CNFN: variants seen among roughly 807,000 people sequenced by gnomAD.
CNFN encodes cornifelin.
A neutral mutation model predicts 14.9 loss-of-function variants in CNFN; 10 were observed. That is an observed-to-expected ratio of 0.67 (90% CI 0.41 to 1.14). CNFN has a LOEUF of 1.14. CNFN is among the 50% of genes most tolerant of loss of function. The pLI, the probability that CNFN is intolerant of heterozygous loss-of-function variation, is 0.00. For missense variants in CNFN, 165 were observed against 152.8 expected, an observed-to-expected ratio of 1.08 and a Z score of -0.42; for synonymous variants, 66 against 60.0, an observed-to-expected ratio of 1.10 and a Z score of -0.46.
chr19:42,388,005 A>AAC (rs1555786088), intron 2 of CNFN, among the ~76,000 whole-genome samples: 20 of 143,720 alleles, frequency 1.4e-4, no homozygotes, highest in African/African-American at 5.2e-4. Context: ...CAAAACAAAA[A>AAC]AAAAAACGAA....
intron 2 of CNFN, 68 bp from the exon 3 acceptor site, chr19:42,387,544 G>T: frequency 7.7e-7 from 1 of 1,302,342 alleles, no homozygotes; most frequent in Non-Finnish European, 1.0e-6. Context: ...CCCCGGGGGG[G>T]GCGCGGTTGA....
At position 42,387,477 on chromosome 19, in the gene CNFN, C is replaced by G. The variant is rs758227392; in HGVS notation, c.113-1G>C. 39 of 1,568,256 alleles carry G rather than the reference C, an allele frequency of 2.5e-5. No individual in the cohort carries two copies. The highest frequency in any genetic ancestry group is 3.2e-5 in the Non-Finnish European group (37 of 1,159,288). ...AGAGGAGCAAAAGTGCCGCACAGAC[C>G]TGGGCGGGGCGCAGGCGCTCAGGGG... On this transcript the variant is annotated splice_acceptor_variant, in intron 2 of 3. Coordinates refer to ENST00000222032, the MANE Select transcript of CNFN (RefSeq NM_032488.4). LOFTEE classifies it high-confidence loss of function.
At chr19:42,388,236 C>T (rs2039870754) in intron 2 of CNFN, among the ~76,000 whole-genome samples, 1 of 152,078 alleles carries the variant, frequency 6.6e-6, no homozygotes, top group African/African-American at 2.4e-5. Context: ...CTCTGTTGCC[C>T]AGACTGGAGT....
intron 2 of CNFN, 112 bp downstream of exon 2, chr19:42,388,814 T>G (rs2039875487): frequency 4.4e-6 from 3 of 683,882 alleles, no homozygotes; most frequent in Admixed American, 2.4e-5. Context: ...GGAAGGGAGG[T>G]GGGAGTGGGG....
At chr19:42,389,603 G>T in intron 1 of CNFN, 2 of 1,179,274 alleles carry the variant, frequency 1.7e-6, no homozygotes, top group Non-Finnish European at 2.2e-6. Context: ...TCCAAGGGAC[G>T]CTGGATACTG....
Position 42,387,090 on chromosome 19 carries a change from G to A in CNFN, c.*63C>T, listed in dbSNP as rs560945431. 1 of 1,513,642 alleles carries A rather than the reference G, an allele frequency of 6.6e-7. No homozygotes were observed. Among genetic ancestry groups the A allele is most frequent in the East Asian group, 2.3e-5 (1 of 44,308 alleles). 93.8% of individuals were successfully genotyped at this position (1,513,642 alleles called of 1,614,324 possible). A position where few individuals can be genotyped will look rare whatever the true frequency, so the allele number is the denominator to read the frequency against. On this transcript the variant is annotated 3_prime_UTR_variant, in exon 4 of 4. Coordinates refer to ENST00000222032, the MANE Select transcript of CNFN (RefSeq NM_032488.4). ...GGGGTGGTGAGGCAGTCCCTCCCAGGAGTGGCCAGAGAAGGCCAGAGGCGA... is the reference window on the plus strand; with the variant it reads ...GGGGTGGTGAGGCAGTCCCTCCCAGAAGTGGCCAGAGAAGGCCAGAGGCGA...
intron 1 of CNFN, 39 bp from the exon 2 acceptor site, chr19:42,389,078 G>A (rs779587173): frequency 6.8e-6 from 10 of 1,471,394 alleles, no homozygotes; most frequent in South Asian, 4.6e-5. Flanking sequence ...TGGCAGCCTC[G>A]CAGCATCTCC....
intron 2 of CNFN, among the ~76,000 whole-genome samples, chr19:42,387,861 T>G (rs1370546864): frequency 1.3e-5 from 2 of 150,250 alleles, no homozygotes; most frequent in Admixed American, 1.3e-4. Context: ...GTGCCTGTAA[T>G]CTCAGCTACT....
At chr19:42,387,988 C>A (rs559498037) in intron 2 of CNFN, among the ~76,000 whole-genome samples, 4,991 of 20,762 alleles carry the variant, frequency 0.24, 304 homozygotes, top group African/African-American at 0.41. Context: ...TCAAAAAAAA[C>A]AAAAAACAAA....
At chr19:42,389,425 C>T in intron 1 of CNFN, 2 of 1,257,742 alleles carry the variant, frequency 1.6e-6, no homozygotes, top group Non-Finnish European at 2.1e-6. Flanking sequence ...GCAAGGGTGC[C>T]CAGGGGAGGG....
At chr19:42,388,442 C>T (rs908583369) in intron 2 of CNFN, among the ~76,000 whole-genome samples, 8 of 152,140 alleles carry the variant, frequency 5.3e-5, no homozygotes, top group Non-Finnish European at 1.2e-4. Flanking sequence ...GTCCACCTGC[C>T]ATGGCCTCCC....
chr19:42,388,338 G>C (rs1207052759), intron 2 of CNFN, among the ~76,000 whole-genome samples: 1 of 150,292 alleles, frequency 6.7e-6, no homozygotes, highest in African/African-American at 2.5e-5. Context: ...GTTTACAGGC[G>C]CCCGCCACCA....
chr19:42,388,472 C>T (rs371905166), intron 2 of CNFN, among the ~76,000 whole-genome samples: 1 of 152,096 alleles, frequency 6.6e-6, no homozygotes. Context: ...GGATTACAGG[C>T]GTGAGCCACT....
rs775474618 is a variant in CNFN, at chr19:42,387,303, G to A, written c.249+37C>T. ...GTGGGTCCCAGGAGGCCAGTCCCCAGCTCCCTGCTCCCGCGGGTCCCCAGC... is the reference window on the plus strand; with the variant it reads ...GTGGGTCCCAGGAGGCCAGTCCCCAACTCCCTGCTCCCGCGGGTCCCCAGC... On this transcript the variant is annotated intron_variant, in intron 3 of 3. Coordinates refer to ENST00000222032, the MANE Select transcript of CNFN (RefSeq NM_032488.4). 3.7e-6 allele frequency: 6 copies of A among 1,601,212 alleles called. No homozygotes were observed. In the East Asian group the frequency reaches 1.4e-4, roughly 36 times the overall value.
intron 1 of CNFN, among the ~76,000 whole-genome samples, 173 bp from the exon 2 acceptor site, chr19:42,389,212 C>T (rs908575985): frequency 3.3e-5 from 5 of 152,268 alleles, no homozygotes; most frequent in African/African-American, 7.2e-5. Flanking sequence ...GCACCGGCAA[C>T]CCCAGTCTGT....
rs774222161 is a variant in CNFN, at chr19:42,389,044, A to G, written c.-2-5T>C. 1 of 1,606,286 alleles carries G rather than the reference A, an allele frequency of 6.2e-7. No homozygotes were observed. Among genetic ancestry groups the G allele is most frequent in the Non-Finnish European group, 8.5e-7 (1 of 1,173,860 alleles). The stretch of plus-strand genomic sequence containing the variant: ...TGGTCACAGGGTAGGACATAGCTGC[A>G]GAGGTGGGAGGGTAGGGGTCAGCTG... On this transcript the variant is annotated splice_region_variant and splice_polypyrimidine_tract_variant and intron_variant, in intron 1 of 3. Coordinates refer to ENST00000222032, the MANE Select transcript of CNFN (RefSeq NM_032488.4).
At chr19:42,389,641 C>G in intron 1 of CNFN, 21 of 125,886 alleles carry the variant, frequency 1.7e-4, no homozygotes, top group Non-Finnish European at 3.0e-4. Context: ...GACTGGGGCA[C>G]TGGGGGCTGG....
At chr19:42,389,113 T>C in intron 1 of CNFN, 74 bp from the exon 2 acceptor site, 1 of 1,168,674 alleles carries the variant, frequency 8.6e-7, no homozygotes. Flanking sequence ...CGGCCACCCT[T>C]CCCTGTGCCG....
At chr19:42,387,497 CA>C (rs1402234242) in intron 2 of CNFN, 21 bp from the exon 3 acceptor site, 1 of 1,539,200 alleles carries the variant, frequency 6.5e-7, no homozygotes, top group Non-Finnish European at 8.7e-7. Context: ...CGCAGGCGCT[CA>C]GGGGCGGGGC....
Sources: allele counts gnomAD v4.1 joint callset (sites outside exome capture counted in the v4.1 genomes callset), GRCh38; gene constraint gnomAD v4.1.1; transcripts MANE v1.5; gene names NCBI Gene and HGNC (gene_info 2026-07-23, HGNC 2026-07-21).